Variants in TBC1D19 observed in about 807,000 individuals in gnomAD.
TBC1D19 encodes TBC1 domain family, member 19.
A neutral mutation model predicts 89.0 loss-of-function variants in TBC1D19; 60 were observed. The ratio of observed to expected loss-of-function variants is 0.67; its 90% CI spans 0.55 to 0.84. The LOEUF (loss-of-function observed/expected upper bound fraction) is 0.84. Ranked by LOEUF, TBC1D19 falls within the 40% of genes least tolerant of loss-of-function variation. The probability of loss-of-function intolerance (pLI) is 0.00; values close to 1 mark genes in which losing one functional copy is unlikely to be tolerated. For missense variants in TBC1D19, 500 were observed against 610.8 expected (o/e 0.82, Z 1.91); for synonymous variants, 189 against 199.7 (o/e 0.95, Z 0.45).
At chr4:26,787,904 C>T in the TBC1D19 span, among the ~76,000 whole-genome samples, 1 of 152,152 alleles carries the variant, frequency 6.6e-6, no homozygotes, top group East Asian at 1.9e-4. Context: ...ACTCTGGCAG[C>T]CAGCACTCTC....
At chr4:26,720,583 T>A (rs1225220921) in intron 15 of TBC1D19, among the ~76,000 whole-genome samples, 1 of 152,156 alleles carries the variant, frequency 6.6e-6, no homozygotes, top group Non-Finnish European at 1.5e-5. Context: ...TGTTATAAAG[T>A]GATCAAATAT....
At position 26,576,799 on chromosome 4, in the gene TBC1D19, T is replaced by A. The variant is rs1461121898; in HGVS notation, c.6+2T>A. On this transcript the variant is annotated splice_donor_variant, in intron 1 of 12. Coordinates refer to the TBC1D19 transcript ENST00000512840. LOFTEE classifies it high-confidence loss of function. Reference sequence around the variant, plus strand: ...GTAAAATAAGACTCTGGGATGAAGGTATGACCAGGACAAGGGCCAGGTATG... The same window carrying A: ...GTAAAATAAGACTCTGGGATGAAGGAATGACCAGGACAAGGGCCAGGTATG... 2.2e-6 allele frequency: 1 copy of A among 456,062 alleles called. No homozygotes were observed. Among genetic ancestry groups the A allele is most frequent in the African/African-American group, 2.0e-5 (1 of 50,030 alleles). 28.3% of individuals were successfully genotyped at this position (456,062 alleles called of 1,614,324 possible). A position where few individuals can be genotyped will look rare whatever the true frequency, so the allele number is the denominator to read the frequency against.
chr4:26,624,185 GC>G (rs1001173403), intron 4 of TBC1D19, among the ~76,000 whole-genome samples: 5 of 152,010 alleles, frequency 3.3e-5, no homozygotes, highest in Admixed American at 3.3e-4. Flanking sequence ...GTCCTGGAAA[GC>G]CCTTTCTGCC....
upstream of TBC1D19, among the ~76,000 whole-genome samples, chr4:26,581,336 G>C (rs146785415): frequency 6.6e-6 from 1 of 152,068 alleles, no homozygotes. Context: ...TTTAAGCCCC[G>C]CATGCATTAG....
intron 9 of TBC1D19, among the ~76,000 whole-genome samples, chr4:26,668,903 C>A (rs187479794): frequency 1.3e-5 from 2 of 151,412 alleles, no homozygotes; most frequent in East Asian, 3.9e-4. Context: ...ACTATAGAAT[C>A]CTTATTTAAC....
At chr4:26,824,256 T>C in the TBC1D19 span, among the ~76,000 whole-genome samples, 8 of 152,328 alleles carry the variant, frequency 5.3e-5, no homozygotes, top group East Asian at 1.4e-3. Flanking sequence ...CTAGCAACAG[T>C]GCGTGAGGCC....
chr4:26,788,741 T>C, the TBC1D19 span, among the ~76,000 whole-genome samples: 1 of 152,174 alleles, frequency 6.6e-6, no homozygotes, highest in Non-Finnish European at 1.5e-5. Context: ...CCTTCCCTCC[T>C]TCCAATTAGC....
the TBC1D19 span, among the ~76,000 whole-genome samples, chr4:26,783,041 C>T: frequency 6.6e-6 from 1 of 152,224 alleles, no homozygotes; most frequent in African/African-American, 2.4e-5. Context: ...TTGGAGTCCA[C>T]ACCTTGTGAC....
chr4:26,678,483 A>C (rs528410979), intron 11 of TBC1D19, among the ~76,000 whole-genome samples: 1 of 152,150 alleles, frequency 6.6e-6, no homozygotes, highest in South Asian at 2.1e-4. Context: ...AGAGGTGGGC[A>C]GGGAAAAATA....
the TBC1D19 span, among the ~76,000 whole-genome samples, chr4:26,834,139 C>T: frequency 1.3e-5 from 2 of 152,188 alleles, no homozygotes; most frequent in Non-Finnish European, 2.9e-5. Flanking sequence ...TGCCTGCTTC[C>T]CCTTTGCCTT....
At chr4:26,773,989 A>G in the TBC1D19 span, among the ~76,000 whole-genome samples, 1 of 152,172 alleles carries the variant, frequency 6.6e-6, no homozygotes, top group African/African-American at 2.4e-5. Context: ...CTCCTTATCT[A>G]GGTAGAAATA....
intron 15 of TBC1D19, among the ~76,000 whole-genome samples, chr4:26,721,823 G>A (rs1013879845): frequency 3.4e-4 from 52 of 151,980 alleles, no homozygotes; most frequent in Admixed American, 3.2e-3. Context: ...ATACTCTCAC[G>A]AAAGCACTAT....
At chr4:26,674,183 G>A (rs1712588181) in intron 11 of TBC1D19, among the ~76,000 whole-genome samples, 1 of 152,074 alleles carries the variant, frequency 6.6e-6, no homozygotes, top group Non-Finnish European at 1.5e-5. Context: ...TTAGATCTGT[G>A]AAGATGTGTG....
At chr4:26,604,535 C>G (rs1740851383) in intron 1 of TBC1D19, among the ~76,000 whole-genome samples, 1 of 151,730 alleles carries the variant, frequency 6.6e-6, no homozygotes, top group East Asian at 1.9e-4. Context: ...ATTTATCCAT[C>G]TATAGACATT....
At chr4:26,705,863 A>T (rs1323588893) in intron 13 of TBC1D19, among the ~76,000 whole-genome samples, 1 of 151,822 alleles carries the variant, frequency 6.6e-6, no homozygotes, top group Non-Finnish European at 1.5e-5. Context: ...TCTATTTTTT[A>T]ATTGTGTGGG....
At chr4:26,735,735 C>T (rs552994830) in intron 16 of TBC1D19, among the ~76,000 whole-genome samples, 13 of 152,074 alleles carry the variant, frequency 8.5e-5, no homozygotes, top group South Asian at 2.1e-4. Flanking sequence ...TTATTATGAA[C>T]GTTTTAAAAT....
intron 15 of TBC1D19, among the ~76,000 whole-genome samples, chr4:26,727,346 G>A (rs994730208): frequency 4.6e-5 from 7 of 152,164 alleles, no homozygotes; most frequent in South Asian, 4.1e-4. Flanking sequence ...AATCTGACTC[G>A]TCCTTCAACA....
the TBC1D19 span, among the ~76,000 whole-genome samples, chr4:26,793,722 CAAAAA>C: frequency 1.3e-5 from 1 of 79,000 alleles, no homozygotes; most frequent in Admixed American, 1.4e-4. Flanking sequence ...GACTTCGTCT[CAAAAA>C]AAAAAAAAAA....
the TBC1D19 span, among the ~76,000 whole-genome samples, chr4:26,791,496 C>G: frequency 6.6e-6 from 1 of 152,152 alleles, no homozygotes; most frequent in African/African-American, 2.4e-5. Context: ...TTGAAAGGAT[C>G]ACTCTGCCTG....
Sources: allele counts gnomAD v4.1 joint callset (sites outside exome capture counted in the v4.1 genomes callset), GRCh38; gene constraint gnomAD v4.1.1; transcripts MANE v1.5; gene names NCBI Gene and HGNC (gene_info 2026-07-23, HGNC 2026-07-21).